The following EPHB1 variants were observed in gnomAD, a reference collection of about 807,000 sequenced individuals.
The protein encoded by EPHB1 is ephrin type-B receptor 1.
Under a neutral mutation model 94.4 loss-of-function variants are expected in EPHB1, and 30 were observed. The observed-to-expected ratio is 0.32, with a 90% confidence interval of 0.24 to 0.43. EPHB1 has a LOEUF of 0.43. Among genes scored for constraint, EPHB1 ranks in the 20% least tolerant of loss-of-function variants. The pLI, the probability that EPHB1 is intolerant of heterozygous loss-of-function variation, is 1.00. For synonymous variants in EPHB1, 522 were observed against 489.1 expected, an observed-to-expected ratio of 1.07 and a Z score of -0.89; for missense variants, 1,055 against 1,308.3, an observed-to-expected ratio of 0.81 and a Z score of 2.99.
chr3:135,154,653 G>A (rs375560472), intron 6 of EPHB1, among the ~76,000 whole-genome samples: 1 of 152,148 alleles, frequency 6.6e-6, no homozygotes, highest in Admixed American at 6.5e-5. Context: ...GTTTTTCAAA[G>A]TGTTTGTGTA....
chr3:135,153,271 C>A (rs377597595), intron 5 of EPHB1, among the ~76,000 whole-genome samples: 1 of 152,190 alleles, frequency 6.6e-6, no homozygotes, highest in Non-Finnish European at 1.5e-5. Flanking sequence ...CAGGACTAAA[C>A]GGAACAGCCC....
At chr3:134,855,251 C>T (rs2037086622) in intron 1 of EPHB1, among the ~76,000 whole-genome samples, 1 of 152,212 alleles carries the variant, frequency 6.6e-6, no homozygotes, top group Non-Finnish European at 1.5e-5. Context: ...GACTTCCAGG[C>T]AGGCTTTGAA....
intron 1 of EPHB1, among the ~76,000 whole-genome samples, chr3:134,907,184 T>C (rs535241727): frequency 2.0e-5 from 3 of 152,296 alleles, no homozygotes; most frequent in African/African-American, 7.2e-5. Flanking sequence ...ATAAGAAATC[T>C]GGGGCTCAGA....
chr3:135,225,946 T>C (rs570741307), intron 12 of EPHB1, among the ~76,000 whole-genome samples: 2 of 152,208 alleles, frequency 1.3e-5, no homozygotes, highest in African/African-American at 4.8e-5. Context: ...TTCTAAGGAA[T>C]GGGAAAATGG....
At chr3:134,845,647 T>G (rs1359674009) in intron 1 of EPHB1, among the ~76,000 whole-genome samples, 1 of 152,218 alleles carries the variant, frequency 6.6e-6, no homozygotes, top group Non-Finnish European at 1.5e-5. Context: ...AGCCACATTC[T>G]GCATCCCACA....
intron 2 of EPHB1, among the ~76,000 whole-genome samples, chr3:134,928,477 C>G (rs1421453108): frequency 2.0e-5 from 3 of 152,200 alleles, no homozygotes; most frequent in South Asian, 4.1e-4. Context: ...ACACCTAGTT[C>G]ACTACCTGAC....
At chr3:134,880,973 A>C (rs1245193588) in intron 1 of EPHB1, among the ~76,000 whole-genome samples, 1 of 152,180 alleles carries the variant, frequency 6.6e-6, no homozygotes, top group African/African-American at 2.4e-5. Context: ...AGTGAATAAA[A>C]TTGTTTCTCA....
intron 1 of EPHB1, among the ~76,000 whole-genome samples, chr3:134,885,776 C>T (rs1222705263): frequency 6.6e-6 from 1 of 152,202 alleles, no homozygotes; most frequent in Non-Finnish European, 1.5e-5. Flanking sequence ...AGCAGTACTT[C>T]CCAACCTTCT....
intron 3 of EPHB1, among the ~76,000 whole-genome samples, chr3:135,103,525 G>A (rs539631636): frequency 9.8e-5 from 15 of 152,304 alleles, no homozygotes; most frequent in Admixed American, 5.9e-4. Flanking sequence ...TGATGCTAGC[G>A]ACATTTCATA....
At chr3:135,136,465 C>T (rs1283726471) in intron 5 of EPHB1, among the ~76,000 whole-genome samples, 1 of 152,226 alleles carries the variant, frequency 6.6e-6, no homozygotes, top group Non-Finnish European at 1.5e-5. Flanking sequence ...GTGCCAACCC[C>T]TACCAAGTGT....
chr3:135,119,311 AT>A (rs1257548163), intron 4 of EPHB1, among the ~76,000 whole-genome samples: 1 of 152,096 alleles, frequency 6.6e-6, no homozygotes. Context: ...GAGGTTTTAA[AT>A]TTTTGAACTC....
intron 6 of EPHB1, among the ~76,000 whole-genome samples, chr3:135,156,727 A>G (rs1318237645): frequency 6.6e-6 from 1 of 152,186 alleles, no homozygotes; most frequent in Non-Finnish European, 1.5e-5. Flanking sequence ...AATAATTTAA[A>G]CCAGCTGAAT....
intron 3 of EPHB1, among the ~76,000 whole-genome samples, chr3:135,067,229 C>A (rs1031931005): frequency 3.3e-5 from 5 of 152,036 alleles, no homozygotes; most frequent in Non-Finnish European, 5.9e-5. Context: ...GAGGCACCAG[C>A]GTGGGGAAGG....
chr3:134,943,990 G>A (rs1445159686), intron 2 of EPHB1, among the ~76,000 whole-genome samples: 1 of 152,150 alleles, frequency 6.6e-6, no homozygotes, highest in Non-Finnish European at 1.5e-5. Context: ...CATTTTAAGT[G>A]TATTAAAGTT....
chr3:134,801,427 G>T (rs2035932979), intron 1 of EPHB1, among the ~76,000 whole-genome samples: 1 of 152,184 alleles, frequency 6.6e-6, no homozygotes, highest in Admixed American at 6.5e-5. Context: ...AGCGGAGGGG[G>T]CACACCGAAC....
In EPHB1 at chr3:134,951,216, C is replaced by T. The variant is rs564422609; in HGVS notation, c.124-155C>T. Among the ~76,000 whole-genome samples, 28 of 152,248 alleles carry T rather than the reference C, an allele frequency of 1.8e-4. No individual in the cohort carries two copies. The highest frequency in any genetic ancestry group is 4.6e-4 in the African/African-American group (19 of 41,546). The stretch of plus-strand genomic sequence containing the variant: ...TTATAAGATCTTTAAAATCAAGTTG[C>T]GCTTAGATGTGTTCATTTCTCAAGT... On this transcript the variant is annotated intron_variant, in intron 2 of 15. Transcript: ENST00000398015. The surrounding 1 kb of genome is among the most constrained non-coding windows in gnomAD (Gnocchi z 4.5).
chr3:135,076,756 C>T (rs1020598628), intron 3 of EPHB1, among the ~76,000 whole-genome samples: 4 of 152,130 alleles, frequency 2.6e-5, no homozygotes, highest in African/African-American at 9.7e-5. Context: ...GAATATTGTT[C>T]ATCAGTAAAA....
chr3:134,954,044 T>C (rs1478346287), intron 3 of EPHB1, among the ~76,000 whole-genome samples: 1 of 152,234 alleles, frequency 6.6e-6, no homozygotes, highest in East Asian at 1.9e-4. Flanking sequence ...GGGGAACCCA[T>C]GGCACCATCA....
chr3:134,801,053 G>A (rs954234208), intron 1 of EPHB1, among the ~76,000 whole-genome samples: 2 of 152,178 alleles, frequency 1.3e-5, no homozygotes, highest in African/African-American at 4.8e-5. Context: ...GGGAGGGAAG[G>A]GTTCTAGTGC....
Sources: allele counts gnomAD v4.1 joint callset (sites outside exome capture counted in the v4.1 genomes callset), GRCh38; gene constraint gnomAD v4.1.1; non-coding constraint Gnocchi (gnomAD v3.1); transcripts MANE v1.5; gene names NCBI Gene and HGNC (gene_info 2026-07-23, HGNC 2026-07-21).